The following SLC9A9 variants were observed in gnomAD, a reference collection of about 807,000 sequenced individuals.
SLC9A9 encodes sodium/hydrogen exchanger 9.
Under a neutral mutation model 77.8 loss-of-function variants are expected in SLC9A9, and 62 were observed. The ratio of observed to expected loss-of-function variants is 0.80; its 90% CI spans 0.65 to 0.98. SLC9A9 has a LOEUF of 0.98. SLC9A9 is among the 50% of genes least tolerant of loss of function. The pLI is 0.00. For missense variants in SLC9A9, 775 were observed against 774.9 expected (o/e 1.00, Z 0.00); for synonymous variants, 320 against 283.5 (o/e 1.13, Z -1.29).
chr3:143,492,227 G>C (rs1034559272), intron 11 of SLC9A9, among the ~76,000 whole-genome samples: 5 of 149,720 alleles, frequency 3.3e-5, no homozygotes, highest in African/African-American at 1.2e-4. Context: ...GGGGGGCAGA[G>C]CTTGCAGTGA....
At chr3:143,683,931 T>C (rs929857528) in intron 5 of SLC9A9, among the ~76,000 whole-genome samples, 1 of 152,082 alleles carries the variant, frequency 6.6e-6, no homozygotes, top group Non-Finnish European at 1.5e-5. Context: ...CACTGTATTA[T>C]ACTGATGGAA....
chr3:143,482,799 C>A (rs1012248577), intron 11 of SLC9A9, among the ~76,000 whole-genome samples: 1 of 152,228 alleles, frequency 6.6e-6, no homozygotes, highest in Non-Finnish European at 1.5e-5. Flanking sequence ...CTAATTTGTG[C>A]AAAGCACATC....
chr3:143,822,337 G>A (rs991915733), intron 2 of SLC9A9, among the ~76,000 whole-genome samples: 4 of 152,178 alleles, frequency 2.6e-5, no homozygotes, highest in Non-Finnish European at 5.9e-5. Flanking sequence ...ATGACAGTTA[G>A]AAAGAAAGAT....
At chr3:143,700,574 C>T (rs896747138) in intron 4 of SLC9A9, among the ~76,000 whole-genome samples, 2 of 152,190 alleles carry the variant, frequency 1.3e-5, no homozygotes, top group African/African-American at 4.8e-5. Flanking sequence ...GGTGAGGTCC[C>T]TCTGCCTGTG....
intron 13 of SLC9A9, among the ~76,000 whole-genome samples, chr3:143,372,764 A>G (rs2033086240): frequency 6.6e-6 from 1 of 152,222 alleles, no homozygotes; most frequent in Admixed American, 6.5e-5. Flanking sequence ...ATCAAGAAAA[A>G]TAACAAATAA....
At chr3:143,329,582 C>T (rs551264138) in intron 14 of SLC9A9, among the ~76,000 whole-genome samples, 1 of 152,334 alleles carries the variant, frequency 6.6e-6, no homozygotes, top group East Asian at 1.9e-4. Context: ...ACCTTGGCCT[C>T]CTGCGCGTGC....
chr3:143,666,101 C>T (rs534019819), intron 5 of SLC9A9, among the ~76,000 whole-genome samples: 25 of 152,192 alleles, frequency 1.6e-4, no homozygotes, highest in Non-Finnish European at 2.5e-4. Flanking sequence ...TACTGTCAAA[C>T]TGAATCCAGC....
chr3:143,516,869 C>T (rs1450784546), intron 9 of SLC9A9, among the ~76,000 whole-genome samples: 2 of 152,022 alleles, frequency 1.3e-5, no homozygotes, highest in African/African-American at 4.8e-5. Context: ...AATTTTTCAT[C>T]TTCTTGGGTA....
At chr3:143,552,648 A>C (rs1246717908) in intron 8 of SLC9A9, among the ~76,000 whole-genome samples, 198 bp from the exon 9 acceptor site, 2 of 152,200 alleles carry the variant, frequency 1.3e-5, no homozygotes, top group Non-Finnish European at 2.9e-5. Flanking sequence ...GATTAAACCT[A>C]AAGAAAAACA....
At chr3:143,844,780 T>C (rs905454563) in intron 1 of SLC9A9, among the ~76,000 whole-genome samples, 4 of 120,164 alleles carry the variant, frequency 3.3e-5, no homozygotes, top group African/African-American at 1.3e-4. Context: ...TTTCTTTCTT[T>C]CTTTCTTTCT....
At chr3:143,593,128 A>G (rs2037680973) in intron 6 of SLC9A9, among the ~76,000 whole-genome samples, 1 of 152,232 alleles carries the variant, frequency 6.6e-6, no homozygotes, top group South Asian at 2.1e-4. Flanking sequence ...AGAACTGTGC[A>G]TACGGTTCAT....
At chr3:143,500,185 A>G (rs2035902621) in intron 9 of SLC9A9, among the ~76,000 whole-genome samples, 1 of 152,028 alleles carries the variant, frequency 6.6e-6, no homozygotes, top group African/African-American at 2.4e-5. Context: ...CAAATATTCT[A>G]TTTACTTTTG....
chr3:143,629,328 AACAG>A (rs1453945968), intron 6 of SLC9A9, among the ~76,000 whole-genome samples: 2 of 152,204 alleles, frequency 1.3e-5, no homozygotes, highest in Non-Finnish European at 2.9e-5. Context: ...TGGTGAGCAA[AACAG>A]ACATTGTCCC....
intron 4 of SLC9A9, among the ~76,000 whole-genome samples, chr3:143,705,042 T>TCTATATAG (rs201878131): frequency 1.7e-5 from 1 of 58,516 alleles, no homozygotes; most frequent in Non-Finnish European, 4.1e-5. Flanking sequence ...TATCTATCTA[T>TCTATATAG]ATAGATATAG....
chr3:143,310,089 T>C (rs1353702646), intron 14 of SLC9A9, among the ~76,000 whole-genome samples: 1 of 152,196 alleles, frequency 6.6e-6, no homozygotes, highest in Non-Finnish European at 1.5e-5. Flanking sequence ...GATTTTATAA[T>C]TTTTAGGCTT....
intron 4 of SLC9A9, among the ~76,000 whole-genome samples, chr3:143,704,310 T>C (rs1430563371): frequency 3.9e-5 from 6 of 152,226 alleles, no homozygotes; most frequent in Non-Finnish European, 7.3e-5. Context: ...TAAATATTGA[T>C]GCAAATATCT....
At chr3:143,517,873 C>G in intron 9 of SLC9A9, 12 of 1,571,730 alleles carry the variant, frequency 7.6e-6, no homozygotes, top group Non-Finnish European at 1.0e-5. Context: ...CAATAGCAGC[C>G]ACTTTTTAAT....
intron 13 of SLC9A9, among the ~76,000 whole-genome samples, chr3:143,367,056 A>C (rs2032927900): frequency 6.6e-6 from 1 of 152,222 alleles, no homozygotes. Context: ...AGCGTTTCCC[A>C]AGGTCTTAGA....
intron 2 of SLC9A9, among the ~76,000 whole-genome samples, chr3:143,811,400 T>A (rs1029932419): frequency 6.6e-6 from 1 of 152,216 alleles, no homozygotes; most frequent in Non-Finnish European, 1.5e-5. Flanking sequence ...AGTAGTTAGA[T>A]GACCTTGGTC....
Sources: gnomAD v4.1 joint callset for allele counts (sites outside exome capture counted in the v4.1 genomes callset) on GRCh38, gnomAD v4.1.1 for gene constraint, MANE v1.5 for transcripts, NCBI Gene and HGNC (gene_info 2026-07-23, HGNC 2026-07-21) for gene names.